Variants in SLC39A11 observed in about 807,000 individuals in gnomAD.
The protein encoded by SLC39A11 is zinc transporter ZIP11.
Under a neutral mutation model 36.1 loss-of-function variants are expected in SLC39A11, and 33 were observed. The observed-to-expected ratio is 0.91, with a 90% CI of 0.69 to 1.22. SLC39A11 has a LOEUF of 1.22. Ranked by LOEUF, SLC39A11 falls within the 50% of genes most tolerant of loss-of-function variation. SLC39A11 has a pLI of 0.00. For synonymous variants in SLC39A11, 166 were observed against 170.3 expected (o/e 0.97, Z 0.20); for missense variants, 432 against 430.3 (o/e 1.00, Z -0.03).
intron 6 of SLC39A11, among the ~76,000 whole-genome samples, chr17:72,798,139 G>C (rs1184789273): frequency 6.6e-6 from 1 of 152,084 alleles, no homozygotes; most frequent in Non-Finnish European, 1.5e-5. Context: ...AGGAGAGGAG[G>C]CAACTTCAGG....
At chr17:72,931,354 G>A (rs1429155587) in intron 5 of SLC39A11, among the ~76,000 whole-genome samples, 3 of 152,166 alleles carry the variant, frequency 2.0e-5, no homozygotes, top group Admixed American at 6.5e-5. Context: ...TGCAGAAAGC[G>A]TAGGCTGTGT....
At chr17:73,089,479 G>A (rs768042152) in intron 1 of SLC39A11, among the ~76,000 whole-genome samples, 3 of 152,088 alleles carry the variant, frequency 2.0e-5, no homozygotes, top group South Asian at 2.1e-4. Context: ...ATCAGAACCC[G>A]GAGCACCCTC....
intron 3 of SLC39A11, among the ~76,000 whole-genome samples, chr17:73,081,279 T>C (rs2060501194): frequency 6.6e-6 from 1 of 152,186 alleles, no homozygotes; most frequent in African/African-American, 2.4e-5. Context: ...CAACACCCCT[T>C]ACTCCTGCAA....
intron 4 of SLC39A11, among the ~76,000 whole-genome samples, chr17:73,002,594 G>C (rs1440471679): frequency 6.6e-6 from 1 of 152,208 alleles, no homozygotes; most frequent in Non-Finnish European, 1.5e-5. Context: ...GCACAGAGCA[G>C]AGAGCAATGC....
At chr17:72,891,093 G>C (rs1462424902) in intron 5 of SLC39A11, among the ~76,000 whole-genome samples, 1 of 151,816 alleles carries the variant, frequency 6.6e-6, no homozygotes. Context: ...TATCAGGTTG[G>C]GGGGTGGGGG....
At chr17:73,091,602 A>G (rs2060925782) in intron 1 of SLC39A11, among the ~76,000 whole-genome samples, 1 of 151,456 alleles carries the variant, frequency 6.6e-6, no homozygotes. Context: ...GAGAAGAAAA[A>G]GTTTCTGGCA....
intron 5 of SLC39A11, among the ~76,000 whole-genome samples, chr17:72,867,232 G>A (rs2080346387): frequency 6.6e-6 from 1 of 152,158 alleles, no homozygotes. Context: ...AGGAGTGGTG[G>A]CTCACACCTG....
intron 6 of SLC39A11, among the ~76,000 whole-genome samples, chr17:72,784,269 C>T (rs899261927): frequency 1.6e-4 from 24 of 152,070 alleles, no homozygotes; most frequent in Non-Finnish European, 2.9e-4. Flanking sequence ...TGCTTGAACC[C>T]GGGAGGCATA....
intron 6 of SLC39A11, chr17:72,838,115 T>C (rs1416641309): frequency 6.4e-6 from 3 of 465,420 alleles, no homozygotes; most frequent in African/African-American, 2.0e-5. Context: ...AACACCCTTG[T>C]CTCTACTGGA....
chr17:72,955,179 A>C (rs2086154193), intron 4 of SLC39A11, among the ~76,000 whole-genome samples: 1 of 152,088 alleles, frequency 6.6e-6, no homozygotes, highest in African/African-American at 2.4e-5. Context: ...TCTTGGCCAA[A>C]GAAGCCTGAG....
chr17:72,702,911 T>C (rs960873711), intron 7 of SLC39A11, among the ~76,000 whole-genome samples: 1 of 125,438 alleles, frequency 8.0e-6, no homozygotes, highest in African/African-American at 3.1e-5. Context: ...CACTCCAGCC[T>C]GGGTGACAGA....
intron 7 of SLC39A11, among the ~76,000 whole-genome samples, chr17:72,699,982 C>T (rs1567960845): frequency 6.9e-6 from 1 of 144,680 alleles, no homozygotes; most frequent in Non-Finnish European, 1.6e-5. Flanking sequence ...GAGCTGGCCT[C>T]CTCCAGAGTG....
intron 6 of SLC39A11, among the ~76,000 whole-genome samples, chr17:72,805,146 T>C (rs1219179073): frequency 6.6e-6 from 1 of 152,204 alleles, no homozygotes; most frequent in Non-Finnish European, 1.5e-5. Context: ...CCTGTGTGTG[T>C]AAATATTTTG....
intron 4 of SLC39A11, among the ~76,000 whole-genome samples, chr17:72,957,862 C>A (rs898252905): frequency 6.6e-6 from 1 of 150,976 alleles, no homozygotes; most frequent in Non-Finnish European, 1.5e-5. Flanking sequence ...TGATGGCTTG[C>A]GCCTATAATC....
intron 5 of SLC39A11, among the ~76,000 whole-genome samples, chr17:72,879,949 C>A (rs899528196): frequency 6.6e-6 from 1 of 152,208 alleles, no homozygotes; most frequent in African/African-American, 2.4e-5. Context: ...CAGTGACCCC[C>A]ACATTTTACC....
At chr17:72,716,830 G>A (rs1038714094) in intron 7 of SLC39A11, among the ~76,000 whole-genome samples, 2 of 151,600 alleles carry the variant, frequency 1.3e-5, no homozygotes, top group African/African-American at 4.8e-5. Flanking sequence ...TTAGCTGGGC[G>A]TGGTGGCAGG....
chr17:72,956,787 A>G (rs983672180), intron 4 of SLC39A11, among the ~76,000 whole-genome samples: 2 of 152,214 alleles, frequency 1.3e-5, no homozygotes, highest in African/African-American at 4.8e-5. Flanking sequence ...AGATGCCTTC[A>G]AAAATCCATC....
rs184489108 is a variant in SLC39A11 at position 72,741,901 on chromosome 17, A to G, written c.602-5182T>C. ...GATGCAACATCATCAAAAAGAGGTAAGCAAGAATGAGTACCCAGCCGGGCA... is the reference window on the plus strand; with the variant it reads ...GATGCAACATCATCAAAAAGAGGTAGGCAAGAATGAGTACCCAGCCGGGCA... On this transcript the variant is annotated intron_variant, in intron 6 of 9. Coordinates refer to ENST00000255559, the MANE Select transcript of SLC39A11 (RefSeq NM_139177.4). Among the ~76,000 whole-genome samples the G allele has an allele frequency of 3.9e-5, 6 of 152,236 alleles. No homozygotes were observed. In the East Asian group the frequency reaches 1.2e-3, roughly 29 times the overall value.
chr17:73,043,692 CAGG>C (rs1234406378), intron 3 of SLC39A11, among the ~76,000 whole-genome samples: 3 of 152,116 alleles, frequency 2.0e-5, no homozygotes, highest in Non-Finnish European at 4.4e-5. Flanking sequence ...TGACACAGGG[CAGG>C]AGACCAGAGA....
Sources: gnomAD v4.1 joint callset for allele counts (sites outside exome capture counted in the v4.1 genomes callset) on GRCh38, gnomAD v4.1.1 for gene constraint, MANE v1.5 for transcripts, NCBI Gene and HGNC (gene_info 2026-07-23, HGNC 2026-07-21) for gene names.